AKAP6: variants seen among roughly 807,000 people sequenced by gnomAD.
AKAP6 encodes A-kinase anchor protein 6.
AKAP6 carries 58 observed loss-of-function variants against 188.5 expected under a neutral mutation model. The observed-to-expected ratio is 0.31, with a 90% CI of 0.25 to 0.38. The LOEUF is 0.38. AKAP6 is among the 10% of genes least tolerant of loss of function. The pLI, the probability that AKAP6 is intolerant of heterozygous loss-of-function variation, is 1.00. For missense variants in AKAP6, 2,710 were observed against 2,740.0 expected (o/e 0.99, Z 0.24); for synonymous variants, 989 against 998.6 (o/e 0.99, Z 0.18).
At chr14:32,377,332 T>A (rs1002373635) in intron 1 of AKAP6, among the ~76,000 whole-genome samples, 2 of 152,238 alleles carry the variant, frequency 1.3e-5, no homozygotes, top group Non-Finnish European at 2.9e-5. Flanking sequence ...TTTAATCAAA[T>A]GTGATGTTGT....
chr14:32,355,868 G>A (rs929066017), intron 1 of AKAP6, among the ~76,000 whole-genome samples: 3 of 151,826 alleles, frequency 2.0e-5, no homozygotes, highest in Non-Finnish European at 4.4e-5. Flanking sequence ...TCGAACTCCT[G>A]GACTCAAGTG....
chr14:32,736,787 G>C (rs968793297), intron 11 of AKAP6, among the ~76,000 whole-genome samples: 1 of 134,004 alleles, frequency 7.5e-6, no homozygotes, highest in South Asian at 2.8e-4. Context: ...CCAGTAATCC[G>C]TCAGAAAATT....
chr14:32,567,110 G>A (rs545928089), intron 4 of AKAP6, among the ~76,000 whole-genome samples: 1 of 152,074 alleles, frequency 6.6e-6, no homozygotes, highest in African/African-American at 2.4e-5. Context: ...TTGTAGAGAT[G>A]GAGTCTCACC....
chr14:32,378,357 G>T (rs1888227299), intron 1 of AKAP6, among the ~76,000 whole-genome samples: 1 of 152,194 alleles, frequency 6.6e-6, no homozygotes, highest in South Asian at 2.1e-4. Context: ...AATGCTGGTG[G>T]TATTCATTAA....
chr14:32,358,742 GA>G (rs990395162), intron 1 of AKAP6, among the ~76,000 whole-genome samples: 2 of 152,082 alleles, frequency 1.3e-5, no homozygotes, highest in Non-Finnish European at 2.9e-5. Context: ...GAGAAGGGAG[GA>G]AAAACGATGA....
At chr14:32,578,559 T>C (rs1038683669) in intron 5 of AKAP6, among the ~76,000 whole-genome samples, 5 of 152,198 alleles carry the variant, frequency 3.3e-5, no homozygotes, top group Non-Finnish European at 5.9e-5. Context: ...AGATATTCAG[T>C]GCTTTATGAT....
intron 8 of AKAP6, among the ~76,000 whole-genome samples, chr14:32,685,491 G>A (rs1244191742): frequency 3.3e-5 from 5 of 152,048 alleles, no homozygotes; most frequent in South Asian, 2.1e-4. Context: ...TTGGGAGGCC[G>A]AGGCGGGCGG....
intron 12 of AKAP6, among the ~76,000 whole-genome samples, chr14:32,814,978 G>A (rs990510257): frequency 3.3e-5 from 5 of 152,172 alleles, no homozygotes; most frequent in Non-Finnish European, 7.3e-5. Context: ...GACAGTCAGA[G>A]TACCTGTCCT....
At chr14:32,719,755 T>C (rs2030429249) in intron 9 of AKAP6, among the ~76,000 whole-genome samples, 1 of 152,180 alleles carries the variant, frequency 6.6e-6, no homozygotes, top group African/African-American at 2.4e-5. Context: ...ATTAGTTCCC[T>C]CTTTCTTGAA....
chr14:32,710,722 G>A (rs1212192458), intron 9 of AKAP6, among the ~76,000 whole-genome samples: 1 of 152,022 alleles, frequency 6.6e-6, no homozygotes, highest in African/African-American at 2.4e-5. Context: ...TAGGAAGTAG[G>A]GATAATAACA....
chr14:32,790,369 G>T (rs2033570764), intron 12 of AKAP6, among the ~76,000 whole-genome samples: 1 of 152,034 alleles, frequency 6.6e-6, no homozygotes, highest in Non-Finnish European at 1.5e-5. Flanking sequence ...GAAATGCAGA[G>T]AACCCCAGTA....
intron 2 of AKAP6, among the ~76,000 whole-genome samples, chr14:32,503,658 A>G (rs1880715329): frequency 6.6e-6 from 1 of 151,916 alleles, no homozygotes; most frequent in Admixed American, 6.6e-5. Context: ...CTGATTTGAG[A>G]TGCCCCCTTT....
chr14:32,794,207 G>T (rs140692611), intron 12 of AKAP6, among the ~76,000 whole-genome samples: 1 of 152,064 alleles, frequency 6.6e-6, no homozygotes, highest in Non-Finnish European at 1.5e-5. Flanking sequence ...ACACAACTAC[G>T]TGGAAATTGA....
intron 12 of AKAP6, among the ~76,000 whole-genome samples, chr14:32,819,888 C>T (rs1268881755): frequency 6.6e-6 from 1 of 152,030 alleles, no homozygotes. Flanking sequence ...GTTGAGACTG[C>T]AGTGAGCTGT....
chr14:32,568,692 G>C lies in AKAP6; in HGVS notation c.2347-8428G>C, dbSNP rs1050605127. On this transcript the variant is annotated intron_variant, in intron 4 of 13. Transcript: ENST00000280979. This position sits in a 1 kb window ranked among gnomAD's most constrained non-coding sequence, Gnocchi z 6.2. The stretch of plus-strand genomic sequence containing the variant: ...ATGAGGGGTCCCCAGCTTCATACCT[G>C]ACAATGTTGGGAGCTTGTAAAGTGT... 6.6e-6 allele frequency among the ~76,000 whole-genome samples: 1 copy of C among 152,112 alleles called. No individual in the cohort carries two copies. Among genetic ancestry groups the C allele is most frequent in the Non-Finnish European group, 1.5e-5 (1 of 68,030 alleles).
intron 2 of AKAP6, among the ~76,000 whole-genome samples, chr14:32,487,278 C>CT (rs1879753846): frequency 6.6e-6 from 1 of 152,088 alleles, no homozygotes; most frequent in South Asian, 2.1e-4. Flanking sequence ...CTGAAATTTT[C>CT]TTTTTTTGTT....
At position 32,723,553 on chromosome 14, in the gene AKAP6, GTGTTTA is replaced by G. The variant is rs751168520; in HGVS notation, c.3001-8897_3001-8892del. On this transcript the variant is annotated intron_variant, in intron 9 of 13. Coordinates refer to ENST00000280979, the MANE Select transcript of AKAP6 (RefSeq NM_004274.5). ...ACATAATATATATATGTGTGCGTAT[GTGTTTA>G]TGTGTGTGTGTGTGTGTGTGTGTGT... 5.8e-3 allele frequency among the ~76,000 whole-genome samples: 834 copies of G among 144,764 alleles called. 6 individuals carry two copies. The highest frequency in any genetic ancestry group is 0.018 in the Middle Eastern group (5 of 280). The allele number at this position is 144,764 out of a possible 152,430, so 95.0% of individuals were successfully genotyped here.
Position 32,546,135 on chromosome 14 carries a change from A to T in AKAP6, c.1482A>T (p.Arg494=). The change falls in exon 4 of 14, where the codon CGA becomes CGT. Residue 494 remains arginine, a synonymous_variant. Coordinates refer to ENST00000280979, the MANE Select transcript of AKAP6 (RefSeq NM_004274.5). ...ACGACTGCTATAAAGAGAAATCTCG[A>T]CTTAAAAAGCCACACAAGACCTCAG... ...RLNDCYKEKS[R]LKKPHKTSEE... 2 of 1,613,880 alleles carry T rather than the reference A, an allele frequency of 1.2e-6. No individual in the cohort carries two copies. Among genetic ancestry groups the T allele is most frequent in the Non-Finnish European group, 1.7e-6 (2 of 1,179,950 alleles).
At chr14:32,817,325 T>C (rs2034405059) in intron 12 of AKAP6, among the ~76,000 whole-genome samples, 1 of 152,202 alleles carries the variant, frequency 6.6e-6, no homozygotes, top group Admixed American at 6.5e-5. Context: ...TAATCATTTC[T>C]CCACCACTTT....
Sources: allele counts gnomAD v4.1 joint callset (sites outside exome capture counted in the v4.1 genomes callset), GRCh38; gene constraint gnomAD v4.1.1; non-coding constraint Gnocchi (gnomAD v3.1); transcripts MANE v1.5; gene names NCBI Gene and HGNC (gene_info 2026-07-23, HGNC 2026-07-21).